Variants in CYRIA observed in about 807,000 individuals in gnomAD.
The protein encoded by CYRIA is CYFIP-related Rac1 interactor A.
A neutral mutation model predicts 43.9 loss-of-function variants in CYRIA; 15 were observed. The observed-to-expected ratio is 0.34, with a 90% CI of 0.23 to 0.53. The LOEUF (loss-of-function observed/expected upper bound fraction) is 0.53. Ranked by LOEUF, CYRIA falls within the 20% of genes least tolerant of loss-of-function variation. CYRIA has a pLI of 0.94. For missense variants in CYRIA, 236 were observed against 394.2 expected, an observed-to-expected ratio of 0.60 and a Z score of 3.40; for synonymous variants, 117 against 136.0, an observed-to-expected ratio of 0.86 and a Z score of 0.97.
At position 16,552,021 on chromosome 2, in the gene CYRIA, T is replaced by C. The variant is rs1278064201; in HGVS notation, c.*915A>G. ...GCAGTATCCTAGACCTTTGTTCTCATATGAATGGTCTTCAGAGAACAGGGC... is the reference window on the plus strand; with the variant it reads ...GCAGTATCCTAGACCTTTGTTCTCACATGAATGGTCTTCAGAGAACAGGGC... On this transcript the variant is annotated 3_prime_UTR_variant, in exon 12 of 12. Coordinates refer to ENST00000381323, the MANE Select transcript of CYRIA (RefSeq NM_030797.4). 4 of 152,134 alleles carry C rather than the reference T, an allele frequency of 2.6e-5. No homozygotes were observed. Among genetic ancestry groups the C allele is most frequent in the African/African-American group, 9.7e-5 (4 of 41,448 alleles). 9.4% of individuals were successfully genotyped at this position (152,134 alleles called of 1,614,324 possible).
chr2:16,554,822 G>A (rs1433278638), intron 11 of CYRIA, among the ~76,000 whole-genome samples: 6 of 152,140 alleles, frequency 3.9e-5, no homozygotes, highest in Non-Finnish European at 5.9e-5. Context: ...CCTGGGTTCA[G>A]GTCCTAGCTT....
intron 11 of CYRIA, among the ~76,000 whole-genome samples, chr2:16,554,773 G>C (rs1666445914): frequency 6.6e-6 from 1 of 152,164 alleles, no homozygotes; most frequent in South Asian, 2.1e-4. Flanking sequence ...AAAGCAGTGT[G>C]GCTGAGAATC....
At chr2:16,644,702 C>T (rs2103539581) in intron 1 of CYRIA, among the ~76,000 whole-genome samples, 1 of 152,168 alleles carries the variant, frequency 6.6e-6, no homozygotes, top group East Asian at 1.9e-4. Flanking sequence ...TCCTTGGAGG[C>T]CACACTTAGA....
chr2:16,608,299 T>C (rs1668478507), intron 2 of CYRIA, among the ~76,000 whole-genome samples: 2 of 152,216 alleles, frequency 1.3e-5, no homozygotes, highest in African/African-American at 2.4e-5. Flanking sequence ...TTTGGGTGAT[T>C]AGCCCTTTTG....
rs1667808200 is a variant in CYRIA, at chr2:16,588,374, G to T, written c.-10-245C>A. On this transcript the variant is annotated intron_variant, in intron 2 of 11. Coordinates refer to ENST00000381323, the MANE Select transcript of CYRIA (RefSeq NM_030797.4). ...CATAAAAATTATGACAATGATAGAA[G>T]TGTTACAATCTCTCTCGAGAGAATA... Among the ~76,000 whole-genome samples the T allele has an allele frequency of 1.3e-5, 2 of 151,434 alleles. 1 individual carries two copies. Among genetic ancestry groups the T allele is most frequent in the Admixed American group, 1.3e-4 (2 of 15,176 alleles).
chr2:16,565,345 A>C (rs1018290079), intron 4 of CYRIA, among the ~76,000 whole-genome samples: 3 of 151,978 alleles, frequency 2.0e-5, no homozygotes, highest in Non-Finnish European at 4.4e-5. Context: ...CACCATGCCC[A>C]GCTAATTTTT....
At position 16,564,093 on chromosome 2, in the gene CYRIA, G is replaced by T; in HGVS notation, c.194C>A (p.Ala65Glu). 6.2e-7 allele frequency: 1 copy of T among 1,612,110 alleles called. No individual in the cohort carries two copies. Among genetic ancestry groups the T allele is most frequent in the Non-Finnish European group, 8.5e-7 (1 of 1,178,786 alleles). The change falls in exon 5 of 12, where the codon GCA becomes GAA. Residue 65 changes from alanine to glutamate, a missense_variant and splice_region_variant. Physicochemically the swap from Ala to Glu is moderately radical, Grantham distance 107. Around this residue, in one of 3 missense-constraint regions of CYRIA, gnomAD observed 193 missense variants for 303.9 expected, o/e 0.64. Coordinates refer to ENST00000381323, the MANE Select transcript of CYRIA (RefSeq NM_030797.4). ...YKGAGPEIRDAIQNPNDIQLQ... is the reference protein window; with the variant it reads ...YKGAGPEIRDEIQNPNDIQLQ... ...CTGAATGTCATTGGGATTTTGAATT[G>T]CCTGCAAAAACACAGTAGAGCTGAC...
At chr2:16,588,511 C>T (rs967968046) in intron 2 of CYRIA, among the ~76,000 whole-genome samples, 10 of 151,838 alleles carry the variant, frequency 6.6e-5, no homozygotes, top group Admixed American at 2.0e-4. Flanking sequence ...GAATGTTCTC[C>T]GAAGTGCTTC....
chr2:16,571,252 A>G (rs1456467940), intron 3 of CYRIA, among the ~76,000 whole-genome samples: 1 of 152,222 alleles, frequency 6.6e-6, no homozygotes, highest in Non-Finnish European at 1.5e-5. Context: ...TCAATTTGTT[A>G]ATGCTGGTGA....
intron 1 of CYRIA, among the ~76,000 whole-genome samples, chr2:16,630,062 G>A (rs1249396500): frequency 6.6e-6 from 1 of 152,138 alleles, no homozygotes; most frequent in African/African-American, 2.4e-5. Flanking sequence ...TGGGGCAGAA[G>A]ATACCAACCC....
intron 1 of CYRIA, among the ~76,000 whole-genome samples, chr2:16,638,369 G>A (rs1669566744): frequency 1.3e-5 from 2 of 152,340 alleles, no homozygotes; most frequent in East Asian, 1.9e-4. Context: ...GGAAGCATCC[G>A]TGGTGGGCAC....
In CYRIA at chr2:16,562,116, T is replaced by G. The variant is rs150652954; in HGVS notation, c.324A>C (p.Glu108Asp). 3.1e-6 allele frequency: 5 copies of G among 1,612,208 alleles called. No individual in the cohort carries two copies. In the African/African-American group the frequency reaches 6.7e-5, roughly 22 times the overall value. Residue 108 changes from glutamate to aspartate, a missense_variant, in exon 6 of 12, where the codon GAA becomes GAC. Physicochemically the swap from Glu to Asp is conservative, Grantham distance 45. This residue lies in a region of CYRIA where 193 missense variants were observed against 303.9 expected (regional missense o/e 0.64). Coordinates refer to ENST00000381323, the MANE Select transcript of CYRIA (RefSeq NM_030797.4). ...RLEKALQSLLESLTCPPYTPT... is the reference protein window; with the variant it reads ...RLEKALQSLLDSLTCPPYTPT... ...GTGTGTAGGGTGGACAAGTCAGAGATTCCAATAAACTCTGAAGAGCTTTTT... is the reference window on the plus strand; with the variant it reads ...GTGTGTAGGGTGGACAAGTCAGAGAGTCCAATAAACTCTGAAGAGCTTTTT...
intron 2 of CYRIA, among the ~76,000 whole-genome samples, chr2:16,612,976 G>T (rs552738516): frequency 2.0e-5 from 3 of 152,178 alleles, no homozygotes; most frequent in Non-Finnish European, 4.4e-5. Flanking sequence ...GAGTTCCCCC[G>T]CACAAGCTTT....
At chr2:16,604,744 C>A (rs1668331217) in intron 2 of CYRIA, among the ~76,000 whole-genome samples, 1 of 152,198 alleles carries the variant, frequency 6.6e-6, no homozygotes, top group African/African-American at 2.4e-5. Context: ...ATTTGCTAAG[C>A]CAGGTTAGCC....
chr2:16,588,428 A>AT (rs769007013), intron 2 of CYRIA, among the ~76,000 whole-genome samples: 1 of 147,838 alleles, frequency 6.8e-6, no homozygotes, highest in Non-Finnish European at 1.5e-5. Flanking sequence ...CGTTCACCAT[A>AT]TAAAAAAAAA....
chr2:16,642,879 C>T (rs1669715455), intron 1 of CYRIA, among the ~76,000 whole-genome samples: 1 of 152,074 alleles, frequency 6.6e-6, no homozygotes, highest in Non-Finnish European at 1.5e-5. Flanking sequence ...CTGCAATGGC[C>T]TTCCCTGCAA....
rs146026787 is a variant in CYRIA at position 16,581,716 on chromosome 2, C to T, written c.70+6334G>A. 1.3e-3 allele frequency among the ~76,000 whole-genome samples: 203 copies of T among 152,120 alleles called. 1 individual carries two copies. Among genetic ancestry groups the T allele is most frequent in the African/African-American group, 4.6e-3 (192 of 41,492 alleles). ...GAGGAATTCCACTCCTAGGTATTTA[C>T]CCAAGGAATATAATGCCCACAAATA... On this transcript the variant is annotated intron_variant, in intron 3 of 11. Coordinates refer to ENST00000381323, the MANE Select transcript of CYRIA (RefSeq NM_030797.4).
At chr2:16,588,810 T>C (rs10178754) in intron 2 of CYRIA, among the ~76,000 whole-genome samples, 13,417 of 152,144 alleles carry the variant, frequency 0.088, 762 homozygotes, top group African/African-American at 0.15. Flanking sequence ...ATTCCAATGG[T>C]AATGAGATTG....
At chr2:16,651,719 C>T (rs1320747702) in intron 1 of CYRIA, among the ~76,000 whole-genome samples, 1 of 152,216 alleles carries the variant, frequency 6.6e-6, no homozygotes, top group African/African-American at 2.4e-5. Context: ...TGTCCACTCA[C>T]TTTGAGCAGG....
Sources: allele counts gnomAD v4.1 joint callset (sites outside exome capture counted in the v4.1 genomes callset), GRCh38; gene constraint gnomAD v4.1.1; regional missense constraint gnomAD v4.1.1; transcripts MANE v1.5; gene names NCBI Gene and HGNC (gene_info 2026-07-23, HGNC 2026-07-21).